LRTM2: variants seen among roughly 807,000 people sequenced by gnomAD.
LRTM2 encodes the protein leucine-rich repeat and transmembrane domain-containing protein 2.
A neutral mutation model predicts 28.1 loss-of-function variants in LRTM2; 18 were observed. The observed-to-expected ratio is 0.64, with a 90% confidence interval of 0.44 to 0.95. LRTM2 has a LOEUF of 0.95. Ranked by LOEUF, LRTM2 falls within the 40% of genes least tolerant of loss-of-function variation. The probability of loss-of-function intolerance (pLI) is 0.00; values close to 1 mark genes in which losing one functional copy is unlikely to be tolerated. For missense variants in LRTM2, 436 were observed against 497.2 expected, an observed-to-expected ratio of 0.88 and a Z score of 1.17; for synonymous variants, 250 against 218.7, an observed-to-expected ratio of 1.14 and a Z score of -1.26.
chr12:1,821,201 G>A (rs1160146277), intron 1 of LRTM2, among the ~76,000 whole-genome samples: 1 of 152,224 alleles, frequency 6.6e-6, no homozygotes, highest in African/African-American at 2.4e-5. Flanking sequence ...AGAAACTCGG[G>A]GGTCATGGGA....
At position 1,829,566 on chromosome 12, in the gene LRTM2, G is replaced by A. The variant is rs1011598618; in HGVS notation, c.67+1351G>A. ...CACGTGTCAGCTCTCAGCTGTCATC[G>A]ATCCTCCAGGCAGGGAAGGGGAGAG... On this transcript the variant is annotated intron_variant, in intron 3 of 4. Coordinates refer to ENST00000299194, the MANE Select transcript of LRTM2 (RefSeq NM_001039029.3). The surrounding 1 kb of genome is among the most constrained non-coding windows in gnomAD (Gnocchi z 4.2). Among the ~76,000 whole-genome samples the A allele has an allele frequency of 3.9e-5, 6 of 151,996 alleles. No homozygotes were observed. The highest frequency in any genetic ancestry group is 3.9e-4 in the East Asian group (2 of 5,142).
chr12:1,830,692 C>T (rs757441451), intron 3 of LRTM2, among the ~76,000 whole-genome samples: 3 of 152,210 alleles, frequency 2.0e-5, no homozygotes, highest in Non-Finnish European at 4.4e-5. Context: ...AGTGATTCCT[C>T]TGCCAGATGT....
intron 3 of LRTM2, among the ~76,000 whole-genome samples, chr12:1,830,354 G>A (rs930007957): frequency 2.0e-5 from 3 of 152,206 alleles, no homozygotes; most frequent in Non-Finnish European, 2.9e-5. Flanking sequence ...TTGGGACGCC[G>A]TGAAGGACAG....
At chr12:1,830,123 C>T (rs906178457) in intron 3 of LRTM2, among the ~76,000 whole-genome samples, 1 of 152,234 alleles carries the variant, frequency 6.6e-6, no homozygotes, top group Middle Eastern at 3.2e-3. Context: ...CCTGTAGCCC[C>T]TAGGAACAGA....
chr12:1,831,210 C>G lies in LRTM2; in HGVS notation c.343C>G (p.Leu115Val). ...DRLPRSIFGD[L>V]TNLTELQLRN... Reference sequence around the variant, plus strand: ...GCTGCCCCGCTCCATTTTCGGGGACCTGACGAATCTGACTGAGCTTCAGCT... The same window carrying G: ...GCTGCCCCGCTCCATTTTCGGGGACGTGACGAATCTGACTGAGCTTCAGCT... Residue 115 changes from leucine to valine, a missense_variant, in exon 4 of 5, where the codon CTG becomes GTG. Leu to Val is a conservative substitution (Grantham distance 32). Transcript: ENST00000299194. 1 of 1,613,888 alleles carries G rather than the reference C, an allele frequency of 6.2e-7. No individual in the cohort carries two copies. Among genetic ancestry groups the G allele is most frequent in the East Asian group, 2.2e-5 (1 of 44,888 alleles).
chr12:1,834,741 C>A lies in LRTM2; in HGVS notation c.*20C>A. On this transcript the variant is annotated 3_prime_UTR_variant, in exon 5 of 5. Transcript: ENST00000299194. The surrounding 1 kb of genome is among the most constrained non-coding windows in gnomAD (Gnocchi z 7.6). The stretch of plus-strand genomic sequence containing the variant: ...GCCTGAGCGCCCATCCCCACCCGGC[C>A]AGGTAGGAAGGGCGGGGAGAGCACA... 1 of 1,569,188 alleles carries A rather than the reference C, an allele frequency of 6.4e-7. No homozygotes were observed. Among genetic ancestry groups the A allele is most frequent in the South Asian group, 1.2e-5 (1 of 86,846 alleles).
At chr12:1,821,589 G>A (rs771764069) in intron 1 of LRTM2, among the ~76,000 whole-genome samples, 7 of 152,206 alleles carry the variant, frequency 4.6e-5, no homozygotes, top group Non-Finnish European at 1.5e-5. Context: ...GGGTCAGGGA[G>A]CCTTAGTGGG....
intron 1 of LRTM2, among the ~76,000 whole-genome samples, chr12:1,826,410 C>CCCCCT (rs1555177897): frequency 1.3e-5 from 1 of 79,246 alleles, no homozygotes; most frequent in African/African-American, 3.5e-5. Flanking sequence ...GCCCCCCCCC[C>CCCCCT]CCCCCCGCCA....
rs1864604805 is a variant in LRTM2 at position 1,831,089 on chromosome 12, G to C, written c.222G>C (p.Leu74Phe). ...TGCCCGCAGCCACCCGAACCCTCTTGCTCTTGAACAATAAGCTGAGTGCCC... is the reference window on the plus strand; with the variant it reads ...TGCCCGCAGCCACCCGAACCCTCTTCCTCTTGAACAATAAGCTGAGTGCCC... ...PDVPAATRTL[L>F]LLNNKLSALP... The change falls in exon 4 of 5, where the codon TTG becomes TTC. Residue 74 changes from leucine (L) to phenylalanine (F), a missense_variant. By Grantham distance (22) the Leu-to-Phe change is conservative. Coordinates refer to ENST00000299194, the MANE Select transcript of LRTM2 (RefSeq NM_001039029.3). 1 of 1,613,884 alleles carries C rather than the reference G, an allele frequency of 6.2e-7. No homozygotes were observed. The highest frequency in any genetic ancestry group is 8.5e-7 in the Non-Finnish European group (1 of 1,180,052).
Position 1,829,549 on chromosome 12 carries a change from A to C in LRTM2, c.67+1334A>C, listed in dbSNP as rs1215358029. Among the ~76,000 whole-genome samples, 1 of 152,048 alleles carries C rather than the reference A, an allele frequency of 6.6e-6. No homozygotes were observed. Among genetic ancestry groups the C allele is most frequent in the Non-Finnish European group, 1.5e-5 (1 of 67,980 alleles). ...CCTGGGCCAGATCTAGCCACGTGTC[A>C]GCTCTCAGCTGTCATCGATCCTCCA... is the stretch of plus-strand genomic sequence containing the variant. On this transcript the variant is annotated intron_variant, in intron 3 of 4. Coordinates refer to ENST00000299194, the MANE Select transcript of LRTM2 (RefSeq NM_001039029.3). The surrounding 1 kb of genome is among the most constrained non-coding windows in gnomAD (Gnocchi z 4.2).
intron 1 of LRTM2, among the ~76,000 whole-genome samples, chr12:1,824,992 A>G (rs1046904326): frequency 8.5e-5 from 13 of 152,248 alleles, no homozygotes; most frequent in African/African-American, 3.1e-4. Context: ...AGCACAGGGC[A>G]TATCCGCATG....
Position 1,828,538 on chromosome 12 carries a change from C to G in LRTM2, c.67+323C>G, listed in dbSNP as rs1014474586. On this transcript the variant is annotated intron_variant, in intron 3 of 4. Transcript: ENST00000299194. This position sits in a 1 kb window ranked among gnomAD's most constrained non-coding sequence, Gnocchi z 4.2. ...GAGAAGAGCTCTGCTGGAATGCAGG[C>G]CTGCTGAGTCTTAAACAGCCTCACT... Among the ~76,000 whole-genome samples, 1 of 152,218 alleles carries G rather than the reference C, an allele frequency of 6.6e-6. No homozygotes were observed. The highest frequency in any genetic ancestry group is 1.5e-5 in the Non-Finnish European group (1 of 68,040).
intron 1 of LRTM2, among the ~76,000 whole-genome samples, chr12:1,821,524 G>T (rs774846223): frequency 1.3e-5 from 2 of 152,192 alleles, no homozygotes; most frequent in South Asian, 4.1e-4. Flanking sequence ...AACCAGGCCC[G>T]CGAGAACCTG....
Position 1,828,005 on chromosome 12 carries a change from C to A in LRTM2, c.-73-71C>A. ...GAGGAGTGTAAAGAGACACCCGGGCCCTCTCCCTAACCCCTGGGCTGGAAC... is the reference window on the plus strand; with the variant it reads ...GAGGAGTGTAAAGAGACACCCGGGCACTCTCCCTAACCCCTGGGCTGGAAC... On this transcript the variant is annotated intron_variant, in intron 2 of 4. Transcript: ENST00000299194. The surrounding 1 kb of genome is among the most constrained non-coding windows in gnomAD (Gnocchi z 4.2). The A allele has an allele frequency of 1.7e-6, 1 of 586,996 alleles. No individual in the cohort carries two copies. The highest frequency in any genetic ancestry group is 3.7e-5 in the Admixed American group (1 of 27,236). 36.4% of individuals were successfully genotyped at this position (586,996 alleles called of 1,614,324 possible). A position where few individuals can be genotyped will look rare whatever the true frequency, so the allele number is the denominator to read the frequency against.
At chr12:1,825,111 G>A (rs1201651980) in intron 1 of LRTM2, among the ~76,000 whole-genome samples, 6 of 152,214 alleles carry the variant, frequency 3.9e-5, no homozygotes, top group Non-Finnish European at 7.3e-5. Context: ...GGGACTTGCC[G>A]GACTTGTGCA....
chr12:1,823,452 G>T lies in LRTM2; in HGVS notation c.-259+2638G>T, dbSNP rs538204229. The stretch of plus-strand genomic sequence containing the variant: ...CCGTGCTCTGAGGGGGCCGAGTGGG[G>T]TGCTAGCAGGGAGGCAGCTCCCACT... On this transcript the variant is annotated intron_variant, in intron 1 of 4. Transcript: ENST00000299194. Among the ~76,000 whole-genome samples the T allele has an allele frequency of 7.9e-5, 12 of 152,244 alleles. No homozygotes were observed. The South Asian group carries it at 2.5e-3, about 32-fold the overall frequency.
intron 3 of LRTM2, among the ~76,000 whole-genome samples, chr12:1,830,195 C>T (rs1387483385): frequency 6.6e-6 from 1 of 152,218 alleles, no homozygotes; most frequent in East Asian, 1.9e-4. Flanking sequence ...TGTCCTGGGC[C>T]CCATGACTTG....
intron 3 of LRTM2, among the ~76,000 whole-genome samples, chr12:1,830,211 G>GTTGA (rs1864559837): frequency 6.6e-6 from 1 of 152,244 alleles, no homozygotes; most frequent in Non-Finnish European, 1.5e-5. Flanking sequence ...ACTTGTCAAT[G>GTTGA]TTGAAGTGGG....
intron 1 of LRTM2, among the ~76,000 whole-genome samples, chr12:1,825,450 T>C (rs1344012221): frequency 6.6e-6 from 1 of 152,192 alleles, no homozygotes; most frequent in Non-Finnish European, 1.5e-5. Flanking sequence ...GGGACTGCTC[T>C]GCAGGGGTTC....
Sources: gnomAD v4.1 joint callset for allele counts (sites outside exome capture counted in the v4.1 genomes callset) on GRCh38, gnomAD v4.1.1 for gene constraint, Gnocchi (gnomAD v3.1) non-coding constraint, MANE v1.5 for transcripts, NCBI Gene and HGNC (gene_info 2026-07-23, HGNC 2026-07-21) for gene names.